Variants in JMJD1C observed in about 807,000 individuals in gnomAD.
The protein encoded by JMJD1C is jumonji domain containing 1C.
Under a neutral mutation model 245.3 loss-of-function variants are expected in JMJD1C, and 31 were observed. The observed-to-expected ratio is 0.13, with a 90% confidence interval of 0.09 to 0.17. The LOEUF (loss-of-function observed/expected upper bound fraction) is 0.17, where lower values mean the gene tolerates loss of function less well. Among genes scored for constraint, JMJD1C ranks in the 10% least tolerant of loss-of-function variants. The pLI is 1.00. For synonymous variants in JMJD1C, 1,057 were observed against 1,017.4 expected (o/e 1.04, Z -0.74); for missense variants, 2,691 against 3,000.2 (o/e 0.90, Z 2.41).
At chr10:63,509,025 T>A (rs1445284160) in intron 1 of JMJD1C, among the ~76,000 whole-genome samples, 1 of 152,234 alleles carries the variant, frequency 6.6e-6, no homozygotes, top group East Asian at 1.9e-4. Context: ...CAGGAAAGGT[T>A]CCAGTTTCTT....
At chr10:63,476,664 C>T (rs1046335832) in intron 1 of JMJD1C, among the ~76,000 whole-genome samples, 2 of 151,878 alleles carry the variant, frequency 1.3e-5, no homozygotes, top group Admixed American at 6.6e-5. Flanking sequence ...AGAAGATCAA[C>T]GCTGCAGTGA....
chr10:63,381,658 T>C (rs1947230390), intron 1 of JMJD1C, among the ~76,000 whole-genome samples: 2 of 152,172 alleles, frequency 1.3e-5, no homozygotes, highest in African/African-American at 2.4e-5. Context: ...TATTTCAAAA[T>C]ATAAGCCATG....
At chr10:63,332,892 T>C (rs1347826242) in intron 2 of JMJD1C, among the ~76,000 whole-genome samples, 1 of 152,212 alleles carries the variant, frequency 6.6e-6, no homozygotes, top group Non-Finnish European at 1.5e-5. Flanking sequence ...AGGCTTAGAT[T>C]CATTGTTTCT....
chr10:63,308,105 T>C (rs891802161), intron 2 of JMJD1C, among the ~76,000 whole-genome samples: 1 of 152,014 alleles, frequency 6.6e-6, no homozygotes, highest in African/African-American at 2.4e-5. Flanking sequence ...GAGCTGAGAT[T>C]GAGCCACTGC....
chr10:63,192,042 T>C (rs1844893709), intron 16 of JMJD1C, among the ~76,000 whole-genome samples: 1 of 141,526 alleles, frequency 7.1e-6, no homozygotes, highest in Non-Finnish European at 1.5e-5. Context: ...AAGACATAGG[T>C]AAGTTACACT....
intron 2 of JMJD1C, among the ~76,000 whole-genome samples, chr10:63,310,380 T>C (rs1939006217): frequency 6.6e-6 from 1 of 152,206 alleles, no homozygotes; most frequent in Non-Finnish European, 1.5e-5. Flanking sequence ...ATAGCAAGAC[T>C]TATAAAGTTA....
chr10:63,304,481 A>C (rs1482379042), intron 2 of JMJD1C, among the ~76,000 whole-genome samples: 1 of 152,220 alleles, frequency 6.6e-6, no homozygotes, highest in East Asian at 1.9e-4. Flanking sequence ...ATGGAAAAGG[A>C]CTTAAAAAGA....
chr10:63,385,938 C>T (rs946402124), intron 1 of JMJD1C, among the ~76,000 whole-genome samples: 1 of 151,984 alleles, frequency 6.6e-6, no homozygotes, highest in Non-Finnish European at 1.5e-5. Context: ...ATGTTCAGAG[C>T]ATATACGGTG....
chr10:63,380,596 A>G, intron 1 of JMJD1C, 114 bp from the exon 2 acceptor site: 1 of 706,882 alleles, frequency 1.4e-6, no homozygotes, highest in Admixed American at 2.9e-5. Context: ...ATCGTGATAC[A>G]TGCACACAAT....
intron 1 of JMJD1C, among the ~76,000 whole-genome samples, chr10:63,502,781 T>C (rs994927921): frequency 6.6e-6 from 1 of 152,222 alleles, no homozygotes; most frequent in African/African-American, 2.4e-5. Flanking sequence ...TTATTTTATT[T>C]TTTTGATACA....
At chr10:63,370,508 A>C (rs1220414234) in intron 2 of JMJD1C, among the ~76,000 whole-genome samples, 1 of 152,256 alleles carries the variant, frequency 6.6e-6, no homozygotes, top group Non-Finnish European at 1.5e-5. Flanking sequence ...GATTTGAACC[A>C]AGAAATATGC....
At chr10:63,231,413 G>A (rs560125358) in intron 3 of JMJD1C, among the ~76,000 whole-genome samples, 1 of 152,268 alleles carries the variant, frequency 6.6e-6, no homozygotes, top group East Asian at 1.9e-4. Context: ...CAAAAACACT[G>A]ATTAGTTATA....
chr10:63,501,860 C>T (rs1374123292), intron 1 of JMJD1C, among the ~76,000 whole-genome samples: 2 of 152,104 alleles, frequency 1.3e-5, no homozygotes, highest in Non-Finnish European at 2.9e-5. Flanking sequence ...CCAGCAAAAT[C>T]ATCACCTATG....
At chr10:63,244,383 C>T (rs1374257468) in intron 3 of JMJD1C, among the ~76,000 whole-genome samples, 1 of 152,116 alleles carries the variant, frequency 6.6e-6, no homozygotes, top group African/African-American at 2.4e-5. Context: ...AGGCAGCAAA[C>T]TACTGGGGAA....
intron 2 of JMJD1C, among the ~76,000 whole-genome samples, chr10:63,275,620 A>G (rs1177774965): frequency 2.0e-5 from 3 of 152,256 alleles, no homozygotes; most frequent in African/African-American, 4.8e-5. Flanking sequence ...TGATTTTACT[A>G]TGGAAAATAT....
At chr10:63,492,683 A>G (rs2133222018) in intron 1 of JMJD1C, among the ~76,000 whole-genome samples, 2 of 150,734 alleles carry the variant, frequency 1.3e-5, no homozygotes, top group South Asian at 4.2e-4. Context: ...TCAAAACAAT[A>G]TAAAATAAAA....
In JMJD1C at chr10:63,167,962, T is replaced by C; in HGVS notation, c.*83A>G. On this transcript the variant is annotated 3_prime_UTR_variant, in exon 26 of 26. Transcript: ENST00000399262. Reference sequence around the variant, plus strand: ...CTTGGCACTGATGGTTTTATGAAGCTTAAAGTCAGTGTGCATACATATCAT... The same window carrying C: ...CTTGGCACTGATGGTTTTATGAAGCCTAAAGTCAGTGTGCATACATATCAT... 1.2e-6 allele frequency: 1 copy of C among 823,882 alleles called. No homozygotes were observed. Among genetic ancestry groups the C allele is most frequent in the Non-Finnish European group, 2.1e-6 (1 of 482,238 alleles). The allele number at this position is 823,882 out of a possible 1,614,324, so 51.0% of individuals were successfully genotyped here. A position where few individuals can be genotyped will look rare whatever the true frequency, so the allele number is the denominator to read the frequency against.
intron 1 of JMJD1C, among the ~76,000 whole-genome samples, chr10:63,432,536 T>C (rs1468349179): frequency 1.3e-5 from 2 of 152,176 alleles, no homozygotes; most frequent in African/African-American, 4.8e-5. Flanking sequence ...CAGTATCAGC[T>C]ATATTGTAAC....
chr10:63,448,632 C>A (rs1951849080), intron 1 of JMJD1C, among the ~76,000 whole-genome samples: 1 of 152,160 alleles, frequency 6.6e-6, no homozygotes, highest in African/African-American at 2.4e-5. Flanking sequence ...CAAATTTTAA[C>A]CCTTGCTAAA....
Sources: allele counts gnomAD v4.1 joint callset (sites outside exome capture counted in the v4.1 genomes callset), GRCh38; gene constraint gnomAD v4.1.1; transcripts MANE v1.5; gene names NCBI Gene and HGNC (gene_info 2026-07-23, HGNC 2026-07-21).